Variants in MBNL2 observed in about 807,000 individuals in gnomAD.
MBNL2 encodes the protein muscleblind like splicing regulator 2.
Under a neutral mutation model 41.9 loss-of-function variants are expected in MBNL2, and 17 were observed. That is an observed-to-expected ratio of 0.41 (90% CI 0.28 to 0.61). The LOEUF is 0.61. Ranked by LOEUF, MBNL2 falls within the 20% of genes least tolerant of loss-of-function variation. The pLI, the probability that MBNL2 is intolerant of heterozygous loss-of-function variation, is 0.35. For missense variants in MBNL2, 336 were observed against 505.6 expected, an observed-to-expected ratio of 0.66 and a Z score of 3.22; for synonymous variants, 195 against 182.9, an observed-to-expected ratio of 1.07 and a Z score of -0.53.
chr13:97,332,661 A>C (rs1318080771), intron 2 of MBNL2, among the ~76,000 whole-genome samples: 1 of 152,210 alleles, frequency 6.6e-6, no homozygotes. Flanking sequence ...ATTAGTGTCC[A>C]CTTCACCTCT....
the MBNL2 span, among the ~76,000 whole-genome samples, chr13:97,146,591 G>A: frequency 2.0e-5 from 3 of 152,072 alleles, no homozygotes; most frequent in Non-Finnish European, 4.4e-5. Context: ...AATCTTGTGG[G>A]GATAATTGAG....
chr13:97,312,821 A>T (rs535002075), intron 2 of MBNL2, among the ~76,000 whole-genome samples: 1 of 152,350 alleles, frequency 6.6e-6, no homozygotes, highest in South Asian at 2.1e-4. Flanking sequence ...TTCATTGGGA[A>T]CACACTTTAC....
At chr13:97,141,834 A>AGAGGCAGATGG in the MBNL2 span, among the ~76,000 whole-genome samples, 1 of 152,170 alleles carries the variant, frequency 6.6e-6, no homozygotes, top group Non-Finnish European at 1.5e-5. Context: ...TTGTTTGTTC[A>AGAGGCAGATGG]GAGGCAGATG....
the MBNL2 span, among the ~76,000 whole-genome samples, chr13:97,170,480 T>C: frequency 6.6e-6 from 1 of 152,208 alleles, no homozygotes; most frequent in African/African-American, 2.4e-5. Context: ...TATAGACTTA[T>C]TACTCAAATC....
At chr13:97,376,636 C>A (rs1218622654) in intron 8 of MBNL2, among the ~76,000 whole-genome samples, 1 of 152,152 alleles carries the variant, frequency 6.6e-6, no homozygotes, top group Non-Finnish European at 1.5e-5. Flanking sequence ...CTGCTTGCTG[C>A]AATGCATTTC....
intron 8 of MBNL2, among the ~76,000 whole-genome samples, chr13:97,377,969 G>A (rs933012061): frequency 6.6e-6 from 1 of 152,152 alleles, no homozygotes; most frequent in African/African-American, 2.4e-5. Flanking sequence ...AGAGGTGAAG[G>A]CTTGGAGCTT....
intron 3 of MBNL2, among the ~76,000 whole-genome samples, chr13:97,335,360 G>T (rs1020872035): frequency 6.6e-6 from 1 of 151,394 alleles, no homozygotes; most frequent in Non-Finnish European, 1.5e-5. Context: ...AAAGGCTTTT[G>T]TATAAAAATC....
chr13:97,215,614 G>A, the MBNL2 span, among the ~76,000 whole-genome samples: 1 of 152,312 alleles, frequency 6.6e-6, no homozygotes, highest in African/African-American at 2.4e-5. Flanking sequence ...AAACTAATTC[G>A]AGTTAAGCAT....
chr13:97,203,044 G>A, the MBNL2 span, among the ~76,000 whole-genome samples: 1 of 152,186 alleles, frequency 6.6e-6, no homozygotes, highest in Non-Finnish European at 1.5e-5. Flanking sequence ...TTGGGGAGGA[G>A]TGACATGATT....
At chr13:97,227,278 G>C (rs542750419) in intron 1 of MBNL2, among the ~76,000 whole-genome samples, 108 of 152,222 alleles carry the variant, frequency 7.1e-4, no homozygotes, top group Middle Eastern at 3.4e-3. Context: ...CAGATGGGCA[G>C]GTCCAAGGTT....
At position 97,366,472 on chromosome 13, in the gene MBNL2, C is replaced by G; in HGVS notation, c.1048+1301C>G. 1 of 1,601,484 alleles carries G rather than the reference C, an allele frequency of 6.2e-7. No homozygotes were observed. The highest frequency in any genetic ancestry group is 8.6e-7 in the Non-Finnish European group (1 of 1,168,908). On this transcript the variant is annotated intron_variant, in intron 8 of 8. Transcript: ENST00000679496. This position sits in a 1 kb window ranked among gnomAD's most constrained non-coding sequence, Gnocchi z 4.7. Reference sequence around the variant, plus strand: ...CCCTCCTGAAAGTACCCATGATGCACAGCGCTACGTCCGCCACTGTCTCTG... The same window carrying G: ...CCCTCCTGAAAGTACCCATGATGCAGAGCGCTACGTCCGCCACTGTCTCTG...
At chr13:97,216,116 G>C in the MBNL2 span, among the ~76,000 whole-genome samples, 6 of 151,948 alleles carry the variant, frequency 3.9e-5, no homozygotes, top group Non-Finnish European at 8.8e-5. Flanking sequence ...AAAACCAGTT[G>C]ACATTTCTTG....
chr13:97,211,246 C>T, the MBNL2 span, among the ~76,000 whole-genome samples: 12 of 152,076 alleles, frequency 7.9e-5, no homozygotes, highest in African/African-American at 2.9e-4. Context: ...TCACCATAAT[C>T]GTCTCAGGAT....
the MBNL2 span, among the ~76,000 whole-genome samples, chr13:97,164,989 C>A: frequency 6.6e-6 from 1 of 152,114 alleles, no homozygotes; most frequent in East Asian, 1.9e-4. Context: ...GGATCACTTG[C>A]GGTCAGGAGT....
At chr13:97,380,507 AAC>A (rs1241254454) in intron 8 of MBNL2, among the ~76,000 whole-genome samples, 20 of 151,352 alleles carry the variant, frequency 1.3e-4, no homozygotes, top group African/African-American at 4.9e-4. Flanking sequence ...CAAACAAACA[AAC>A]AAAAAAAAAC....
At chr13:97,288,878 A>G (rs933034383) in intron 2 of MBNL2, among the ~76,000 whole-genome samples, 1 of 152,176 alleles carries the variant, frequency 6.6e-6, no homozygotes, top group African/African-American at 2.4e-5. Flanking sequence ...AAACTTACCT[A>G]AGCCATCCTG....
chr13:97,203,931 TGGATGGACAGAC>T, the MBNL2 span, among the ~76,000 whole-genome samples: 2 of 151,782 alleles, frequency 1.3e-5, no homozygotes, highest in Non-Finnish European at 2.9e-5. Context: ...GACGGATGAA[TGGATGGACAGAC>T]GGATGGATGG....
chr13:97,356,481 A>T (rs544351298), intron 5 of MBNL2, among the ~76,000 whole-genome samples: 1 of 152,032 alleles, frequency 6.6e-6, no homozygotes, highest in Non-Finnish European at 1.5e-5. Flanking sequence ...CTGCTGTTTT[A>T]ATTAACTTTC....
chr13:97,358,594 A>T (rs2063169464), intron 7 of MBNL2, among the ~76,000 whole-genome samples: 1 of 152,158 alleles, frequency 6.6e-6, no homozygotes, highest in African/African-American at 2.4e-5. Flanking sequence ...AGACACACAC[A>T]CGCACACCAT....
Sources: allele counts gnomAD v4.1 joint callset (sites outside exome capture counted in the v4.1 genomes callset), GRCh38; gene constraint gnomAD v4.1.1; non-coding constraint Gnocchi (gnomAD v3.1); transcripts MANE v1.5; gene names NCBI Gene and HGNC (gene_info 2026-07-23, HGNC 2026-07-21).